The following NOS2 variants were observed in gnomAD, a reference collection of about 807,000 sequenced individuals.
The protein encoded by NOS2 is nitric oxide synthase, inducible.
Under a neutral mutation model 136.0 loss-of-function variants are expected in NOS2, and 96 were observed. That is an observed-to-expected ratio of 0.71 (90% CI 0.60 to 0.84). NOS2 has a LOEUF of 0.84. NOS2 is among the 40% of genes least tolerant of loss of function. The pLI is 0.00. For missense variants in NOS2, 1,237 were observed against 1,496.9 expected (o/e 0.83, Z 2.87); for synonymous variants, 539 against 587.5 (o/e 0.92, Z 1.20).
At position 27,764,913 on chromosome 17, in the gene NOS2, A is replaced by G. The variant is rs1908247681; in HGVS notation, c.2428+622T>C. Among the ~76,000 whole-genome samples, 3 of 152,162 alleles carry G rather than the reference A, an allele frequency of 2.0e-5. No homozygotes were observed. In the South Asian group the frequency reaches 6.2e-4, roughly 32 times the overall value. ...CAAGGGCAACTGTCTTGTCGTCCCC[A>G]CGTCTCAGGTTCTCTCACTTTCTCC... On this transcript the variant is annotated intron_variant, in intron 20 of 26. Coordinates refer to ENST00000313735, the MANE Select transcript of NOS2 (RefSeq NM_000625.4).
At chr17:27,775,697 T>C (rs922841478) in intron 11 of NOS2, among the ~76,000 whole-genome samples, 2 of 151,894 alleles carry the variant, frequency 1.3e-5, no homozygotes, top group East Asian at 2.0e-4. Context: ...GGTAAGAGCA[T>C]TGCTTGAGCC....
chr17:27,760,664 C>G lies in NOS2; in HGVS notation c.2969G>C (p.Arg990Pro). The change falls in exon 24 of 27, where the codon CGC becomes CCC. Residue 990 changes from arginine to proline, a missense_variant. This residue lies in a region of NOS2 where 782 missense variants were observed against 909.9 expected (regional missense o/e 0.86). Transcript: ENST00000313735. ...ATGGAGCCGTTGCTGCCAGAAACTG[C>G]GGAAGGGCGCGATGCCTGTGCCAGG... ...IGPGTGIAPF[R>P]SFWQQRLHDS... 6.4e-7 allele frequency: 1 copy of G among 1,552,860 alleles called. No individual in the cohort carries two copies. Among genetic ancestry groups the G allele is most frequent in the Non-Finnish European group, 8.7e-7 (1 of 1,147,816 alleles).
intron 13 of NOS2, among the ~76,000 whole-genome samples, chr17:27,772,860 C>G (rs1908541642): frequency 6.6e-6 from 1 of 152,006 alleles, no homozygotes; most frequent in Admixed American, 6.6e-5. Flanking sequence ...ACTGCGAGAC[C>G]CCGTCTCTAC....
At chr17:27,762,310 C>T (rs1431995719) in intron 22 of NOS2, among the ~76,000 whole-genome samples, 1 of 152,180 alleles carries the variant, frequency 6.6e-6, no homozygotes, top group Non-Finnish European at 1.5e-5. Context: ...TGCCAGGCAC[C>T]CACTGAATAG....
At chr17:27,767,934 C>T (rs1908361549) in intron 17 of NOS2, 97 bp from the exon 18 acceptor site, 2 of 1,483,578 alleles carry the variant, frequency 1.3e-6, no homozygotes, top group African/African-American at 1.4e-5. Flanking sequence ...ATGGGCCAAA[C>T]ACTGAGCCGT....
rs3730017 is a variant in NOS2 at position 27,782,076 on chromosome 17, G to A, written c.661C>T (p.Arg221Trp). 0.032 allele frequency: 50,905 copies of A among 1,613,922 alleles called. 1,995 individuals carry two copies. The highest frequency in any genetic ancestry group is 0.19 in the African/African-American group (14,081 of 74,940). ...VFDARSCSTA[R>W]EMFEHICRHV... ...CTGCAGATGTGTTCAAACATTTCCC[G>A]GGCAGTGGAACAGCTGCGGGCATCG... The change falls in exon 7 of 27, where the codon CGG becomes TGG. Residue 221 changes from arginine (R) to tryptophan (W), a missense_variant. Transcript: ENST00000313735.
In NOS2 at chr17:27,757,050, G is replaced by A. The variant is rs200198698; in HGVS notation, c.*196C>T. The stretch of plus-strand genomic sequence containing the variant: ...GGGAGGCCCCAGTTTGAGAGAGGAG[G>A]CTCCGATCAATCCAGGGTGCTACTT... On this transcript the variant is annotated 3_prime_UTR_variant, in exon 27 of 27. Coordinates refer to ENST00000313735, the MANE Select transcript of NOS2 (RefSeq NM_000625.4). 6.4e-6 allele frequency: 3 copies of A among 469,258 alleles called. No individual in the cohort carries two copies. The highest frequency in any genetic ancestry group is 1.1e-5 in the Non-Finnish European group (3 of 269,094). 29.1% of individuals were successfully genotyped at this position (469,258 alleles called of 1,614,324 possible).
intron 5 of NOS2, among the ~76,000 whole-genome samples, chr17:27,784,914 T>C (rs1908972614): frequency 1.3e-5 from 2 of 152,060 alleles, no homozygotes; most frequent in African/African-American, 4.8e-5. Flanking sequence ...CTTGGAAAAA[T>C]ACAATTTTCC....
At position 27,783,109 on chromosome 17, in the gene NOS2, G is replaced by A. The variant is rs200950422; in HGVS notation, c.468-3C>T. The A allele has an allele frequency of 3.0e-5, 48 of 1,613,982 alleles. No individual in the cohort carries two copies. Among genetic ancestry groups the A allele is most frequent in the Non-Finnish European group, 3.8e-5 (45 of 1,179,928 alleles). On this transcript the variant is annotated splice_region_variant and splice_polypyrimidine_tract_variant and intron_variant, in intron 5 of 26. Coordinates refer to ENST00000313735, the MANE Select transcript of NOS2 (RefSeq NM_000625.4). Reference sequence around the variant, plus strand: ...CCAGATGTTCCTCTATTTTTGCCCTGGGGGACAGGAAGACAGCAGGAAGAT... The same window carrying A: ...CCAGATGTTCCTCTATTTTTGCCCTAGGGGACAGGAAGACAGCAGGAAGAT...
At chr17:27,780,943 C>T (rs553915300) in intron 8 of NOS2, 37 bp from the exon 9 acceptor site, 15 of 1,599,712 alleles carry the variant, frequency 9.4e-6, no homozygotes, top group Middle Eastern at 3.3e-4. Flanking sequence ...TCTGTAAGCC[C>T]GGGCTGCGTG....
In NOS2 at chr17:27,760,752, G is replaced by A. The variant is rs764863329; in HGVS notation, c.2889-8C>T. ...AGGTGGAAGCCGCTGGCACTGAAGA[G>A]GACAGGAGAAGAGGGGGCCAGTCCT... is the stretch of plus-strand genomic sequence containing the variant. On this transcript the variant is annotated splice_polypyrimidine_tract_variant and splice_region_variant and intron_variant, in intron 23 of 26. Coordinates refer to ENST00000313735, the MANE Select transcript of NOS2 (RefSeq NM_000625.4). The A allele has an allele frequency of 1.0e-5, 16 of 1,548,934 alleles. No individual in the cohort carries two copies. The highest frequency in any genetic ancestry group is 1.2e-5 in the Non-Finnish European group (14 of 1,146,602).
intron 11 of NOS2, among the ~76,000 whole-genome samples, chr17:27,776,849 A>T (rs1355845901): frequency 6.6e-6 from 1 of 152,160 alleles, no homozygotes; most frequent in Non-Finnish European, 1.5e-5. Flanking sequence ...GGGAGGCACT[A>T]TTATCCCCAT....
rs906491888 is a variant in NOS2, at chr17:27,789,002, G to A, written c.196-71C>T. ...CCCAGGCCCTGCCTTGTCTTAGAGT[G>A]GGGAAGGATCTATGGGTGGCCACAC... On this transcript the variant is annotated intron_variant, in intron 3 of 26. Transcript: ENST00000313735. 4.5e-6 allele frequency: 7 copies of A among 1,562,308 alleles called. No homozygotes were observed. In the East Asian group the frequency reaches 1.1e-4, roughly 25 times the overall value.
chr17:27,761,116 C>G (rs1908111298), intron 23 of NOS2, 28 bp downstream of exon 23: 1 of 1,538,548 alleles, frequency 6.5e-7, no homozygotes, highest in South Asian at 1.3e-5. Flanking sequence ...GGCGGCCCCA[C>G]AGGGGACAGA....
intron 25 of NOS2, among the ~76,000 whole-genome samples, chr17:27,759,694 G>A (rs537942562): frequency 6.6e-5 from 10 of 152,198 alleles, no homozygotes; most frequent in East Asian, 5.8e-4. Flanking sequence ...AGCATCGGCC[G>A]CCCTCCAGCC....
intron 5 of NOS2, among the ~76,000 whole-genome samples, chr17:27,786,419 T>C (rs1909027465): frequency 6.6e-6 from 1 of 151,830 alleles, no homozygotes; most frequent in Admixed American, 6.6e-5. Flanking sequence ...AGAGCAAAAC[T>C]CCATCTCAAA....
chr17:27,765,809 C>G, intron 19 of NOS2, 93 bp from the exon 20 acceptor site: 1 of 1,329,066 alleles, frequency 7.5e-7, no homozygotes, highest in Non-Finnish European at 1.0e-6. Context: ...AATGTGCCCT[C>G]CTTTCATTTT....
At chr17:27,757,502 T>A in intron 26 of NOS2, 149 bp from the exon 27 acceptor site, 1 of 667,810 alleles carries the variant, frequency 1.5e-6, no homozygotes, top group Non-Finnish European at 2.6e-6. Flanking sequence ...GTTTAGACCC[T>A]AACCCTGCTC....
chr17:27,792,360 T>C (rs904954241), intron 2 of NOS2, among the ~76,000 whole-genome samples: 3 of 152,258 alleles, frequency 2.0e-5, no homozygotes, highest in African/African-American at 7.2e-5. Context: ...GATAAGATCA[T>C]AGGCAATTTA....
Sources: allele counts gnomAD v4.1 joint callset (sites outside exome capture counted in the v4.1 genomes callset), GRCh38; gene constraint gnomAD v4.1.1; regional missense constraint gnomAD v4.1.1; transcripts MANE v1.5; gene names NCBI Gene and HGNC (gene_info 2026-07-23, HGNC 2026-07-21).